Variants in GSE1 observed in about 807,000 individuals in gnomAD.
GSE1 encodes the protein Gse1 coiled-coil protein.
Under a neutral mutation model 112.6 loss-of-function variants are expected in GSE1, and 32 were observed. The observed-to-expected ratio is 0.28, with a 90% CI of 0.21 to 0.38. The LOEUF is 0.38. Ranked by LOEUF, GSE1 falls within the 10% of genes least tolerant of loss-of-function variation. The probability of loss-of-function intolerance (pLI) is 1.00; values close to 1 mark genes in which losing one functional copy is unlikely to be tolerated. For missense variants in GSE1, 2,348 were observed against 1,699.2 expected (o/e 1.38, Z -6.71); for synonymous variants, 1,115 against 735.6 (o/e 1.52, Z -8.35).
intron 1 of GSE1, among the ~76,000 whole-genome samples, chr16:85,324,057 A>C (rs1199207424): frequency 6.6e-6 from 1 of 152,188 alleles, no homozygotes; most frequent in Non-Finnish European, 1.5e-5. Context: ...AGATAATAAC[A>C]AGTGTTGGCG....
intron 2 of GSE1, among the ~76,000 whole-genome samples, chr16:85,374,103 C>T (rs907529423): frequency 2.0e-5 from 3 of 151,916 alleles, no homozygotes; most frequent in African/African-American, 7.3e-5. Context: ...TGTGTGCACG[C>T]GTGGCCCTCA....
chr16:85,309,737 G>C (rs1414622170), intron 1 of GSE1, among the ~76,000 whole-genome samples: 1 of 152,334 alleles, frequency 6.6e-6, no homozygotes, highest in East Asian at 1.9e-4. Flanking sequence ...GTGCTGTCGC[G>C]GTGCTGCAGA....
At chr16:85,360,422 C>T (rs1449919805) in intron 2 of GSE1, among the ~76,000 whole-genome samples, 1 of 152,192 alleles carries the variant, frequency 6.6e-6, no homozygotes, top group Non-Finnish European at 1.5e-5. Flanking sequence ...GCCAGCTGCT[C>T]CCTGTCAGGC....
chr16:85,266,397 C>T (rs930839987), intron 1 of GSE1, among the ~76,000 whole-genome samples: 2 of 152,186 alleles, frequency 1.3e-5, no homozygotes, highest in Non-Finnish European at 2.9e-5. Context: ...AGAAGCATCC[C>T]GAGGCCTCCC....
At chr16:85,314,947 C>G (rs1314536385) in intron 1 of GSE1, among the ~76,000 whole-genome samples, 1 of 152,240 alleles carries the variant, frequency 6.6e-6, no homozygotes, top group Non-Finnish European at 1.5e-5. Flanking sequence ...GCTGACCTCA[C>G]AGGAACACCC....
At chr16:85,645,891 A>C (rs73271285) in intron 2 of GSE1, among the ~76,000 whole-genome samples, 8,388 of 149,920 alleles carry the variant, frequency 0.056, 864 homozygotes, top group African/African-American at 0.2. Flanking sequence ...CATGCATTCT[A>C]CCATGCTTCT....
intron 2 of GSE1, among the ~76,000 whole-genome samples, chr16:85,504,451 C>G (rs930176476): frequency 6.6e-6 from 1 of 152,192 alleles, no homozygotes; most frequent in African/African-American, 2.4e-5. Context: ...CAGGGGCACA[C>G]ACGTGTGTGT....
At chr16:85,204,319 A>G (rs575573506) in intron 1 of GSE1, among the ~76,000 whole-genome samples, 4 of 152,232 alleles carry the variant, frequency 2.6e-5, no homozygotes, top group Non-Finnish European at 5.9e-5. Context: ...ACTCCACTGT[A>G]TGGAAAATAG....
At chr16:85,256,344 A>G (rs1022501670) in intron 1 of GSE1, among the ~76,000 whole-genome samples, 1 of 152,266 alleles carries the variant, frequency 6.6e-6, no homozygotes, top group African/African-American at 2.4e-5. Context: ...AGTGCTTTGC[A>G]TTAATAAAAA....
intron 9 of GSE1, 50 bp from the exon 10 acceptor site, chr16:85,662,931 G>A: frequency 1.5e-6 from 2 of 1,298,860 alleles, no homozygotes; most frequent in Non-Finnish European, 1.1e-6. Context: ...CATGTCCACT[G>A]GACAGATGAA....
chr16:85,212,838 C>G (rs1377580704), intron 1 of GSE1, among the ~76,000 whole-genome samples: 1 of 152,136 alleles, frequency 6.6e-6, no homozygotes, highest in Non-Finnish European at 1.5e-5. Flanking sequence ...ATGTCTAGAA[C>G]AAACTGTAGC....
At chr16:85,459,684 C>T (rs2049921743) in intron 2 of GSE1, among the ~76,000 whole-genome samples, 1 of 152,226 alleles carries the variant, frequency 6.6e-6, no homozygotes, top group Non-Finnish European at 1.5e-5. Context: ...CACGGAGTCA[C>T]TGAACCCAGT....
chr16:85,650,033 G>A (rs1215451536), intron 3 of GSE1, among the ~76,000 whole-genome samples: 3 of 152,164 alleles, frequency 2.0e-5, no homozygotes, highest in Non-Finnish European at 4.4e-5. Context: ...CGCCTTCCCT[G>A]GCTGAGGGGA....
At chr16:85,226,814 T>C (rs1277240281) in intron 1 of GSE1, among the ~76,000 whole-genome samples, 3 of 111,352 alleles carry the variant, frequency 2.7e-5, no homozygotes, top group Non-Finnish European at 5.6e-5. Context: ...TGTGTGTGTG[T>C]GTGAAGGAGG....
chr16:85,319,406 C>T (rs2046052398), intron 1 of GSE1, among the ~76,000 whole-genome samples: 1 of 152,214 alleles, frequency 6.6e-6, no homozygotes. Context: ...GAGACGCCAG[C>T]TCCTGGGCCT....
intron 1 of GSE1, among the ~76,000 whole-genome samples, chr16:85,625,926 G>A (rs113581886): frequency 0.023 from 3,449 of 152,208 alleles, 113 homozygotes; most frequent in African/African-American, 0.079. Flanking sequence ...TTTCCTCCTG[G>A]GGTAGGGACT....
intron 1 of GSE1, among the ~76,000 whole-genome samples, chr16:85,574,723 G>C (rs184457710): frequency 1.3e-5 from 2 of 152,228 alleles, no homozygotes; most frequent in African/African-American, 4.8e-5. Flanking sequence ...ACTGTGTCCT[G>C]TCCGCTGGTG....
chr16:85,275,213 G>A lies in GSE1; in HGVS notation c.2284-82250G>A, dbSNP rs77479960. ...GAAGTCTTAACTCCCAAACCACAGA[G>A]GCCTCCGAACTGGAGGAGACAGAAC... On this transcript the variant is annotated intron_variant, in intron 1 of 2. Coordinates refer to the GSE1 transcript ENST00000637419. Among the ~76,000 whole-genome samples, 1,055 of 152,302 alleles carry A rather than the reference G, an allele frequency of 6.9e-3. 14 individuals are homozygous for A. The highest frequency in any genetic ancestry group is 0.024 in the African/African-American group (1,018 of 41,576).
rs145614134 is a variant in GSE1 at position 85,257,139 on chromosome 16, G to C, written c.2283+85332G>C. Among the ~76,000 whole-genome samples the C allele has an allele frequency of 1.7e-3, 258 of 152,170 alleles. 1 individual carries two copies. The highest frequency in any genetic ancestry group is 6.0e-3 in the African/African-American group (250 of 41,508). ...TGCTCTGTATTTTCATTTTTTTTGA[G>C]ACAGGGTCACCCAGGCTGGAGTGCA... On this transcript the variant is annotated intron_variant, in intron 1 of 2. Coordinates refer to the GSE1 transcript ENST00000637419.
Sources: gnomAD v4.1 joint callset for allele counts (sites outside exome capture counted in the v4.1 genomes callset) on GRCh38, gnomAD v4.1.1 for gene constraint, MANE v1.5 for transcripts, NCBI Gene and HGNC (gene_info 2026-07-23, HGNC 2026-07-21) for gene names.